Variants in ZNF200 observed in about 807,000 individuals in gnomAD.
ZNF200 encodes zinc finger protein 200.
Under a neutral mutation model 33.6 loss-of-function variants are expected in ZNF200, and 35 were observed. That is an observed-to-expected ratio of 1.04 (90% CI 0.80 to 1.38). ZNF200 has a LOEUF of 1.38. ZNF200 is among the 40% of genes most tolerant of loss of function. The probability of loss-of-function intolerance (pLI) is 0.00; values close to 1 mark genes in which losing one functional copy is unlikely to be tolerated. For synonymous variants in ZNF200, 209 were observed against 167.7 expected (o/e 1.25, Z -1.90); for missense variants, 592 against 470.6 (o/e 1.26, Z -2.39).
intron 4 of ZNF200, among the ~76,000 whole-genome samples, chr16:3,229,280 C>A (rs1433934603): frequency 6.6e-6 from 1 of 151,828 alleles, no homozygotes; most frequent in East Asian, 1.9e-4. Flanking sequence ...AAGTGATGCT[C>A]ATAAGAGAGC....
At chr16:3,227,769 A>G (rs1357977584) in intron 4 of ZNF200, 1 of 152,228 alleles carries the variant, frequency 6.6e-6, no homozygotes, top group Admixed American at 6.5e-5. Flanking sequence ...AGCCATGCTG[A>G]ACTGTGAGTC....
intron 4 of ZNF200, 59 bp downstream of exon 4, chr16:3,232,362 G>A: frequency 6.3e-7 from 1 of 1,582,330 alleles, no homozygotes; most frequent in Non-Finnish European, 8.6e-7. Flanking sequence ...CTAAAGAGAT[G>A]AAGGACATGC....
chr16:3,224,395 C>G lies in ZNF200; in HGVS notation c.685G>C (p.Glu229Gln). ...ATGTCTACATATTTTGAGAGTTCCT[C>G]TAGAGGAGTATCATTCTCAATGGTA... ...LVTIENDTPL[E>Q]ELSKYVDISI... is the part of the protein sequence containing the mutation. Residue 229 changes from glutamate to glutamine, a missense_variant, in exon 5 of 5, where the codon GAG becomes CAG. Glu to Gln is a conservative substitution (Grantham distance 29). Transcript: ENST00000414144. The G allele has an allele frequency of 1.9e-6, 3 of 1,614,164 alleles. No homozygotes were observed. The highest frequency in any genetic ancestry group is 2.5e-6 in the Non-Finnish European group (3 of 1,180,034).
intron 2 of ZNF200, among the ~76,000 whole-genome samples, chr16:3,233,276 T>A (rs1441341632): frequency 6.6e-6 from 1 of 152,226 alleles, no homozygotes; most frequent in Non-Finnish European, 1.5e-5. Flanking sequence ...TAAAAGATAT[T>A]TCCCTCAGAA....
intron 4 of ZNF200, among the ~76,000 whole-genome samples, chr16:3,229,644 T>C (rs1300163092): frequency 6.6e-6 from 1 of 152,070 alleles, no homozygotes; most frequent in African/African-American, 2.4e-5. Context: ...GGCGGGCAGA[T>C]CACAAGGTCA....
intron 4 of ZNF200, 125 bp from the exon 5 acceptor site, chr16:3,224,738 G>C (rs1451151249): frequency 1.6e-6 from 2 of 1,226,074 alleles, no homozygotes; most frequent in Admixed American, 2.6e-5. Context: ...GGATACTGCC[G>C]TCGCACTCCT....
Position 3,223,644 on chromosome 16 carries a change from A to AT in ZNF200, c.*247dup. On this transcript the variant is annotated 3_prime_UTR_variant, in exon 5 of 5. Coordinates refer to ENST00000414144, the MANE Select transcript of ZNF200 (RefSeq NM_198088.3). ...GGATCTGTGACCTGTACATTATCAT[A>AT]TAACTTCAAAAAGGAAAGCTCCTTA... 1 of 456,760 alleles carries AT rather than the reference A, an allele frequency of 2.2e-6. No individual in the cohort carries two copies. Among genetic ancestry groups the AT allele is most frequent in the South Asian group, 3.7e-5 (1 of 26,858 alleles). The allele number at this position is 456,760 out of a possible 1,614,324, so 28.3% of individuals were successfully genotyped here.
intron 4 of ZNF200, 150 bp downstream of exon 4, chr16:3,232,271 T>A (rs1353650363): frequency 2.1e-6 from 2 of 948,170 alleles, no homozygotes; most frequent in East Asian, 2.8e-5. Context: ...GTGGCAAGGC[T>A]CTGCTACATT....
chr16:3,224,292 T>C lies in ZNF200; in HGVS notation c.788A>G (p.Glu263Gly). The C allele has an allele frequency of 1.2e-6, 2 of 1,614,146 alleles. No individual in the cohort carries two copies. Among genetic ancestry groups the C allele is most frequent in the East Asian group, 2.2e-5 (1 of 44,884 alleles). Residue 263 changes from glutamate to glycine, a missense_variant, in exon 5 of 5, where the codon GAA becomes GGA. Physicochemically the swap from Glu to Gly is moderately conservative, Grantham distance 98. Transcript: ENST00000414144. ...TCPLCGKQFN[E>G]SSYLISHQRT... ...CTGGTGGGAAATGAGGTAAGAACTT[T>C]CATTAAACTGTTTCCCACACAGTGG... is the stretch of plus-strand genomic sequence containing the variant.
intron 3 of ZNF200, 77 bp downstream of exon 3, chr16:3,232,753 TAAG>T (rs2141644753): frequency 6.6e-7 from 1 of 1,512,026 alleles, no homozygotes; most frequent in Admixed American, 1.8e-5. Flanking sequence ...GGCCAACTCC[TAAG>T]AATGTGTTTT....
chr16:3,228,866 T>A (rs1326645749), intron 4 of ZNF200, among the ~76,000 whole-genome samples: 2 of 152,106 alleles, frequency 1.3e-5, no homozygotes, highest in South Asian at 2.1e-4. Flanking sequence ...CAACCTTGCG[T>A]CAAAGGGGTA....
chr16:3,232,767 T>A, intron 3 of ZNF200, 66 bp downstream of exon 3: 1 of 1,550,764 alleles, frequency 6.4e-7, no homozygotes, highest in Non-Finnish European at 8.9e-7. Flanking sequence ...AATGTGTTTT[T>A]ACACACAGGT....
intron 4 of ZNF200, among the ~76,000 whole-genome samples, chr16:3,232,200 T>C (rs966882463): frequency 6.6e-6 from 1 of 151,812 alleles, no homozygotes; most frequent in Non-Finnish European, 1.5e-5. Flanking sequence ...TTTCCCTACC[T>C]CTCCCCTCAC....
chr16:3,231,369 G>A (rs920320577), intron 4 of ZNF200, among the ~76,000 whole-genome samples: 1 of 152,066 alleles, frequency 6.6e-6, no homozygotes, highest in Non-Finnish European at 1.5e-5. Context: ...CTGACCATAC[G>A]GTATAATTAC....
intron 1 of ZNF200, chr16:3,234,069 G>C: frequency 4.4e-6 from 1 of 225,058 alleles, no homozygotes; most frequent in South Asian, 6.1e-5. Flanking sequence ...AGGGAAGGGA[G>C]TAAGGGTGGA....
Position 3,224,184 on chromosome 16 carries a change from T to C in ZNF200, c.896A>G (p.Glu299Gly), listed in dbSNP as rs1468991775. 6.2e-7 allele frequency: 1 copy of C among 1,614,074 alleles called. No individual in the cohort carries two copies. Among genetic ancestry groups the C allele is most frequent in the Non-Finnish European group, 8.5e-7 (1 of 1,180,044 alleles). Reference sequence around the variant, plus strand: ...AGGTTTCTCTCCTGTATGAATTCGCTCATGTTTATTGAGGTTTGTTTTATG... The same window carrying C: ...AGGTTTCTCTCCTGTATGAATTCGCCCATGTTTATTGAGGTTTGTTTTATG... ...FNHKTNLNKHERIHTGEKPYS... is the reference protein window; with the variant it reads ...FNHKTNLNKHGRIHTGEKPYS... Residue 299 changes from glutamate to glycine, a missense_variant, in exon 5 of 5, where the codon GAG becomes GGG. Physicochemically the swap from Glu to Gly is moderately conservative, Grantham distance 98. Coordinates refer to ENST00000414144, the MANE Select transcript of ZNF200 (RefSeq NM_198088.3).
At position 3,232,454 on chromosome 16, in the gene ZNF200, C is replaced by T. The variant is rs761270267; in HGVS notation, c.433G>A (p.Asp145Asn). 7 of 1,614,120 alleles carry T rather than the reference C, an allele frequency of 4.3e-6. No individual in the cohort carries two copies. The highest frequency in any genetic ancestry group is 5.1e-6 in the Non-Finnish European group (6 of 1,179,986). Residue 145 changes from aspartate to asparagine, a missense_variant, in exon 4 of 5, where the codon GAT becomes AAT. Coordinates refer to ENST00000414144, the MANE Select transcript of ZNF200 (RefSeq NM_198088.3). ...ATCATTTCCCCGACACTGCTGTCAT[C>T]TTCCTTCTCTGACGTGAGTTGTTGA... ...PTQQLTSEKE[D>N]DSSVGEMMLL...
In ZNF200 at chr16:3,223,991, T is replaced by C. The variant is rs1958398152; in HGVS notation, c.1089A>G (p.Pro363=). The C allele has an allele frequency of 6.2e-7, 1 of 1,614,172 alleles. No individual in the cohort carries two copies. The highest frequency in any genetic ancestry group is 8.5e-7 in the Non-Finnish European group (1 of 1,180,036). Residue 363 remains proline, a synonymous_variant, in exon 5 of 5, where the codon CCA becomes CCG. Coordinates refer to ENST00000414144, the MANE Select transcript of ZNF200 (RefSeq NM_198088.3). ...LHLQSHEAER[P]YGCKKCGRRF... ...TTCTCCCACATTTTTTGCAACCATA[T>C]GGTCTCTCAGCCTCATGACTCTGCA...
rs1021390507 is a variant in ZNF200 at position 3,223,784 on chromosome 16, G to T, written c.*108C>A. On this transcript the variant is annotated 3_prime_UTR_variant, in exon 5 of 5. Transcript: ENST00000414144. ...GCATTTATCCAATTTTGGCAATAAT[G>T]AGATTTTTACACATTTATACCTTTT... 6 of 1,448,628 alleles carry T rather than the reference G, an allele frequency of 4.1e-6. No homozygotes were observed. The African/African-American group carries it at 8.5e-5, about 21-fold the overall frequency. 89.7% of individuals were successfully genotyped at this position (1,448,628 alleles called of 1,614,324 possible).
Sources: allele counts gnomAD v4.1 joint callset (sites outside exome capture counted in the v4.1 genomes callset), GRCh38; gene constraint gnomAD v4.1.1; transcripts MANE v1.5; gene names NCBI Gene and HGNC (gene_info 2026-07-23, HGNC 2026-07-21).